The following DGKG variants were observed in gnomAD, a reference collection of about 807,000 sequenced individuals.
The protein encoded by DGKG is DAG kinase gamma.
Under a neutral mutation model 105.3 loss-of-function variants are expected in DGKG, and 78 were observed. The observed-to-expected ratio is 0.74, with a 90% CI of 0.62 to 0.89. The LOEUF (loss-of-function observed/expected upper bound fraction) is 0.89, where lower values mean the gene tolerates loss of function less well. Among genes scored for constraint, DGKG ranks in the 40% least tolerant of loss-of-function variants. The pLI is 0.00. For missense variants in DGKG, 958 were observed against 1,020.1 expected, an observed-to-expected ratio of 0.94 and a Z score of 0.83; for synonymous variants, 346 against 367.1, an observed-to-expected ratio of 0.94 and a Z score of 0.66.
intron 20 of DGKG, among the ~76,000 whole-genome samples, chr3:186,223,951 T>C (rs565492182): frequency 1.3e-5 from 2 of 152,294 alleles, no homozygotes; most frequent in African/African-American, 4.8e-5. Context: ...CCTCTCACTG[T>C]GTGGTTGGCA....
Position 186,159,237 on chromosome 3 carries a change from G to T in DGKG, c.2277+2366C>A, listed in dbSNP as rs1716175757. ...TTCTATCCTGTGCTACATTAATAGG[G>T]TTTATATATTTTAAATTCTTCCAGA... is the stretch of plus-strand genomic sequence containing the variant. On this transcript the variant is annotated intron_variant, in intron 24 of 24. Transcript: ENST00000265022. The T allele has an allele frequency of 5.9e-5, 9 of 151,808 alleles. No homozygotes were observed. In the South Asian group the frequency reaches 1.9e-3, roughly 32 times the overall value. The allele number at this position is 151,808 out of a possible 1,614,324, so 9.4% of individuals were successfully genotyped here. A position where few individuals can be genotyped will look rare whatever the true frequency, so the allele number is the denominator to read the frequency against.
chr3:186,299,826 T>TTTCTTTC (rs1723813735), intron 3 of DGKG, among the ~76,000 whole-genome samples: 3 of 91,428 alleles, frequency 3.3e-5, no homozygotes, highest in African/African-American at 1.1e-4. Flanking sequence ...TCTTTCTTTC[T>TTTCTTTC]TTCTTTCTTT....
At chr3:186,152,011 G>A (rs538812515) in intron 24 of DGKG, among the ~76,000 whole-genome samples, 11 of 152,190 alleles carry the variant, frequency 7.2e-5, no homozygotes, top group Admixed American at 3.9e-4. Flanking sequence ...CCCGGGAGGC[G>A]GAGGTTGTGG....
intron 1 of DGKG, among the ~76,000 whole-genome samples, chr3:186,345,038 C>A (rs1364238021): frequency 6.6e-6 from 1 of 152,090 alleles, no homozygotes; most frequent in Admixed American, 6.6e-5. Flanking sequence ...TATCTTCCAC[C>A]TCTACCGTGT....
intron 22 of DGKG, among the ~76,000 whole-genome samples, chr3:186,171,107 C>A (rs1014820474): frequency 9.2e-5 from 14 of 152,238 alleles, no homozygotes; most frequent in Non-Finnish European, 2.1e-4. Context: ...CATGCTAGTT[C>A]CTTCTTCTGT....
At position 186,253,269 on chromosome 3, in the gene DGKG, G is replaced by T. The variant is rs188502865; in HGVS notation, c.1511-87C>A. 35 of 1,038,300 alleles carry T rather than the reference G, an allele frequency of 3.4e-5. No homozygotes were observed. The East Asian group carries it at 7.7e-4, about 23-fold the overall frequency. The allele number at this position is 1,038,300 out of a possible 1,614,324, so 64.3% of individuals were successfully genotyped here. A position where few individuals can be genotyped will look rare whatever the true frequency, so the allele number is the denominator to read the frequency against. ...TCTTTTTATCCCTGATCTGATGCTT[G>T]AACCCCTCCATAGCATTCTTTGTTT... On this transcript the variant is annotated intron_variant, in intron 17 of 24. Coordinates refer to ENST00000265022, the MANE Select transcript of DGKG (RefSeq NM_001346.3).
rs752991727 is a variant in DGKG at position 186,320,384 on chromosome 3, T to C, written c.67+9A>G. The C allele has an allele frequency of 6.2e-7, 1 of 1,614,176 alleles. No homozygotes were observed. Among genetic ancestry groups the C allele is most frequent in the South Asian group, 1.1e-5 (1 of 91,082 alleles). ...ATCCCGTCCCAGGGCTGTCAATGCA[T>C]TTACTCACATTCTGAATATTTCTGG... is the stretch of plus-strand genomic sequence containing the variant. On this transcript the variant is annotated intron_variant, in intron 2 of 24. Transcript: ENST00000265022.
At chr3:186,325,017 A>G (rs918615337) in intron 1 of DGKG, among the ~76,000 whole-genome samples, 6 of 152,262 alleles carry the variant, frequency 3.9e-5, no homozygotes, top group African/African-American at 1.4e-4. Context: ...ACCATACAAT[A>G]CTACACAGCC....
chr3:186,181,487 C>A (rs1046110781), intron 22 of DGKG, among the ~76,000 whole-genome samples: 23 of 152,220 alleles, frequency 1.5e-4, no homozygotes, highest in African/African-American at 5.3e-4. Context: ...AATCCCAGCA[C>A]TTTTGGAGGC....
intron 9 of DGKG, among the ~76,000 whole-genome samples, chr3:186,277,600 A>G (rs1722644760): frequency 6.6e-6 from 1 of 152,242 alleles, no homozygotes; most frequent in African/African-American, 2.4e-5. Flanking sequence ...CACCTCTAGT[A>G]GCTAAGTCAG....
rs199678569 is a variant in DGKG, at chr3:186,272,234, A to G, written c.999+21T>C. On this transcript the variant is annotated intron_variant, in intron 11 of 24. Transcript: ENST00000265022. ...TCCTGGATGAGGCATGCAGTAGAAC[A>G]AGGCAGTAGATGTCACCAACCTCAC... 166 of 1,581,296 alleles carry G rather than the reference A, an allele frequency of 1.0e-4. 2 individuals are homozygous for G. In the East Asian group the frequency reaches 2.5e-3, roughly 24 times the overall value.
intron 1 of DGKG, among the ~76,000 whole-genome samples, chr3:186,320,967 A>G (rs538401795): frequency 6.6e-6 from 1 of 152,352 alleles, no homozygotes; most frequent in African/African-American, 2.4e-5. Context: ...GAGAGGTGGT[A>G]TTAGAGCTGC....
chr3:186,320,174 T>C (rs1196465660), intron 2 of DGKG, among the ~76,000 whole-genome samples: 2 of 152,238 alleles, frequency 1.3e-5, no homozygotes, highest in Non-Finnish European at 2.9e-5. Flanking sequence ...TCTATGTATA[T>C]TGCAAATTTC....
intron 6 of DGKG, among the ~76,000 whole-genome samples, chr3:186,285,930 C>T (rs192476100): frequency 6.6e-6 from 1 of 152,164 alleles, no homozygotes; most frequent in Non-Finnish European, 1.5e-5. Context: ...CCGCCTGCCT[C>T]GGCCTGCCAA....
Position 186,174,652 on chromosome 3 carries a change from CTG to C in DGKG, c.2096-9636_2096-9635del, listed in dbSNP as rs67342971. Among the ~76,000 whole-genome samples the C allele has an allele frequency of 8.9e-3, 1,292 of 145,886 alleles. 7 individuals are homozygous for C. The highest frequency in any genetic ancestry group is 0.011 in the South Asian group (47 of 4,380). On this transcript the variant is annotated intron_variant, in intron 22 of 24. Coordinates refer to ENST00000265022, the MANE Select transcript of DGKG (RefSeq NM_001346.3). Reference sequence around the variant, plus strand: ...ATGAACTCCCCTCCTTTCCCTGCGGCTGTGTGTGTGTGTGTGTGTGTGTGTGT... The same window carrying C: ...ATGAACTCCCCTCCTTTCCCTGCGGCTGTGTGTGTGTGTGTGTGTGTGTGT...
chr3:186,287,334 T>C (rs1723117761), intron 6 of DGKG, among the ~76,000 whole-genome samples: 1 of 152,210 alleles, frequency 6.6e-6, no homozygotes, highest in South Asian at 2.1e-4. Context: ...ACAGATTATA[T>C]GATGCCTGGA....
chr3:186,293,019 G>A (rs1290130475), intron 5 of DGKG, among the ~76,000 whole-genome samples: 3 of 152,050 alleles, frequency 2.0e-5, no homozygotes, highest in African/African-American at 7.3e-5. Flanking sequence ...AGAGGGTCCA[G>A]AGGTTTTTCA....
intron 1 of DGKG, among the ~76,000 whole-genome samples, chr3:186,355,894 G>C (rs1396956136): frequency 2.6e-5 from 4 of 152,200 alleles, no homozygotes; most frequent in African/African-American, 9.6e-5. Flanking sequence ...AATGGGATGT[G>C]GAATGAGCTT....
At chr3:186,262,024 T>C (rs1373684937) in intron 14 of DGKG, 3 of 417,388 alleles carry the variant, frequency 7.2e-6, no homozygotes, top group Non-Finnish European at 1.3e-5. Flanking sequence ...ACAATGATGC[T>C]GTAGCTTCAA....
Sources: gnomAD v4.1 joint callset for allele counts (sites outside exome capture counted in the v4.1 genomes callset) on GRCh38, gnomAD v4.1.1 for gene constraint, MANE v1.5 for transcripts, NCBI Gene and HGNC (gene_info 2026-07-23, HGNC 2026-07-21) for gene names.